The following RFC3 variants were observed in gnomAD, a reference collection of about 807,000 sequenced individuals.
RFC3 encodes the protein replication factor C subunit 3.
RFC3 carries 41 observed loss-of-function variants against 45.1 expected under a neutral mutation model. That is an observed-to-expected ratio of 0.91 (90% CI 0.71 to 1.18). RFC3 has a LOEUF of 1.18. Among genes scored for constraint, RFC3 ranks in the 50% most tolerant of loss-of-function variants. The probability of loss-of-function intolerance (pLI) is 0.00; values close to 1 mark genes in which losing one functional copy is unlikely to be tolerated. For missense variants in RFC3, 423 were observed against 428.1 expected, an observed-to-expected ratio of 0.99 and a Z score of 0.10; for synonymous variants, 149 against 144.0, an observed-to-expected ratio of 1.03 and a Z score of -0.25.
At chr13:33,904,650 A>G (rs1566023159) in intron 8 of RFC3, among the ~76,000 whole-genome samples, 1 of 152,184 alleles carries the variant, frequency 6.6e-6, no homozygotes, top group South Asian at 2.1e-4. Context: ...GCGTCAGGAT[A>G]GAGTCCAGAT....
At chr13:33,818,993 C>G (rs1438316945) in intron 1 of RFC3, among the ~76,000 whole-genome samples, 1 of 148,682 alleles carries the variant, frequency 6.7e-6, no homozygotes, top group Non-Finnish European at 1.5e-5. Context: ...CGGGTTCAAG[C>G]GATTCTCCTG....
At chr13:33,959,746 C>A (rs2083044624) in intron 8 of RFC3, among the ~76,000 whole-genome samples, 1 of 152,162 alleles carries the variant, frequency 6.6e-6, no homozygotes, top group Non-Finnish European at 1.5e-5. Flanking sequence ...TTATACCTTG[C>A]ACCCATTTCC....
chr13:33,964,531 A>G (rs2083076026), intron 8 of RFC3, among the ~76,000 whole-genome samples: 1 of 152,200 alleles, frequency 6.6e-6, no homozygotes, highest in African/African-American at 2.4e-5. Context: ...AGTGGGAAAT[A>G]AACGCCATAG....
intron 8 of RFC3, among the ~76,000 whole-genome samples, chr13:33,916,077 G>A (rs999454165): frequency 1.3e-5 from 2 of 152,120 alleles, no homozygotes; most frequent in Admixed American, 1.3e-4. Context: ...GGGATTATAG[G>A]GGTGAGCCAC....
intron 8 of RFC3, among the ~76,000 whole-genome samples, chr13:33,882,747 A>C: frequency 6.6e-6 from 1 of 152,216 alleles, no homozygotes; most frequent in Non-Finnish European, 1.5e-5. Flanking sequence ...ACCACAAAGA[A>C]ACTCCATAAA....
chr13:33,884,581 C>T (rs1346011581), intron 8 of RFC3, among the ~76,000 whole-genome samples: 1 of 152,176 alleles, frequency 6.6e-6, no homozygotes, highest in Non-Finnish European at 1.5e-5. Flanking sequence ...GTTCATAAAG[C>T]ATTTCTCCCA....
At position 33,836,790 on chromosome 13, in the gene RFC3, A is replaced by G; in HGVS notation, c.*495A>G. On this transcript the variant is annotated 3_prime_UTR_variant, in exon 9 of 9. Transcript: ENST00000380071. ...TGAAACATAATTATTGGTATGGACA[A>G]AATTGCAGATACCATTTCTGTTGAG... 3.0e-6 allele frequency: 3 copies of G among 985,900 alleles called. No individual in the cohort carries two copies. Among genetic ancestry groups the G allele is most frequent in the Non-Finnish European group, 3.6e-6 (3 of 830,218 alleles). The allele number at this position is 985,900 out of a possible 1,614,324, so 61.1% of individuals were successfully genotyped here. A position where few individuals can be genotyped will look rare whatever the true frequency, so the allele number is the denominator to read the frequency against.
chr13:33,939,574 T>C (rs2082910819), intron 8 of RFC3, among the ~76,000 whole-genome samples: 1 of 152,152 alleles, frequency 6.6e-6, no homozygotes, highest in Admixed American at 6.5e-5. Context: ...AGTTTAAAAG[T>C]GTAAATAAGT....
chr13:33,973,714 A>C, the RFC3 span, among the ~76,000 whole-genome samples: 1 of 148,188 alleles, frequency 6.7e-6, no homozygotes. Flanking sequence ...GCAGTGGTGC[A>C]ATCTCGGCTC....
At chr13:33,883,147 G>T (rs918094207) in intron 8 of RFC3, among the ~76,000 whole-genome samples, 4 of 152,034 alleles carry the variant, frequency 2.6e-5, no homozygotes, top group Non-Finnish European at 5.9e-5. Context: ...GTAATTGATG[G>T]GTCATGTGTG....
At chr13:33,844,514 T>C (rs1254327515) in intron 8 of RFC3, among the ~76,000 whole-genome samples, 1 of 152,216 alleles carries the variant, frequency 6.6e-6, no homozygotes, top group Non-Finnish European at 1.5e-5. Flanking sequence ...GTGGTGTGTT[T>C]CAATATCTTG....
chr13:33,856,252 A>C (rs192879878), intron 8 of RFC3, among the ~76,000 whole-genome samples: 1 of 152,160 alleles, frequency 6.6e-6, no homozygotes, highest in Non-Finnish European at 1.5e-5. Flanking sequence ...ACCAAATACC[A>C]CAAGTTTTTA....
chr13:33,897,061 G>GAT (rs2082604736), intron 8 of RFC3, among the ~76,000 whole-genome samples: 1 of 151,990 alleles, frequency 6.6e-6, no homozygotes, highest in Non-Finnish European at 1.5e-5. Context: ...AAAATTTGAA[G>GAT]ATATAAAACC....
intron 8 of RFC3, among the ~76,000 whole-genome samples, chr13:33,911,141 G>A (rs1021326646): frequency 6.6e-6 from 1 of 152,060 alleles, no homozygotes; most frequent in Non-Finnish European, 1.5e-5. Context: ...CTTTGTAGGG[G>A]TCAGTGTCAG....
chr13:33,860,376 C>T (rs886499532), intron 8 of RFC3, among the ~76,000 whole-genome samples: 1 of 152,026 alleles, frequency 6.6e-6, no homozygotes, highest in Admixed American at 6.6e-5. Flanking sequence ...CTAGAATTTG[C>T]CCTCCATGAC....
intron 1 of RFC3, 105 bp downstream of exon 1, chr13:33,818,370 T>C (rs1454055034): frequency 3.5e-6 from 3 of 862,180 alleles, no homozygotes; most frequent in Non-Finnish European, 5.6e-6. Flanking sequence ...TGGAAGGTGA[T>C]AAGTGCTATG....
chr13:33,909,208 T>C (rs2082689804), intron 8 of RFC3, among the ~76,000 whole-genome samples: 1 of 152,090 alleles, frequency 6.6e-6, no homozygotes, highest in South Asian at 2.1e-4. Context: ...GGGCTTTATG[T>C]GGAACCATTA....
chr13:33,823,507 C>T (rs1011699897), intron 2 of RFC3, among the ~76,000 whole-genome samples: 19 of 152,028 alleles, frequency 1.2e-4, no homozygotes, highest in Admixed American at 4.6e-4. Flanking sequence ...AACACAGAGA[C>T]GTGTATGATT....
intron 8 of RFC3, among the ~76,000 whole-genome samples, chr13:33,852,766 T>C (rs996996107): frequency 1.3e-5 from 2 of 152,212 alleles, no homozygotes; most frequent in Admixed American, 6.5e-5. Flanking sequence ...TTTGAACTTC[T>C]GTAGCCTGGG....
Sources: allele counts gnomAD v4.1 joint callset (sites outside exome capture counted in the v4.1 genomes callset), GRCh38; gene constraint gnomAD v4.1.1; transcripts MANE v1.5; gene names NCBI Gene and HGNC (gene_info 2026-07-23, HGNC 2026-07-21).